The following VPS35L variants were observed in gnomAD, a reference collection of about 807,000 sequenced individuals.
VPS35L encodes VPS35 endosomal protein-sorting factor-like.
A neutral mutation model predicts 133.0 loss-of-function variants in VPS35L; 83 were observed. That is an observed-to-expected ratio of 0.62 (90% confidence interval 0.52 to 0.75). VPS35L has a LOEUF of 0.75. VPS35L is among the 30% of genes least tolerant of loss of function. The probability of loss-of-function intolerance (pLI) is 0.00; values close to 1 mark genes in which losing one functional copy is unlikely to be tolerated. For missense variants in VPS35L, 1,083 were observed against 1,206.8 expected, an observed-to-expected ratio of 0.90 and a Z score of 1.52; for synonymous variants, 423 against 449.9, an observed-to-expected ratio of 0.94 and a Z score of 0.76.
At chr16:19,562,877 C>G (rs186828788) in intron 1 of VPS35L, among the ~76,000 whole-genome samples, 49 of 152,028 alleles carry the variant, frequency 3.2e-4, no homozygotes, top group African/African-American at 1.1e-3. Flanking sequence ...ACCTCAGCCT[C>G]TAGAATAGCT....
chr16:19,604,336 A>C (rs1347504564), intron 9 of VPS35L, among the ~76,000 whole-genome samples: 3 of 152,174 alleles, frequency 2.0e-5, no homozygotes, highest in Non-Finnish European at 4.4e-5. Context: ...GGGCCAATTA[A>C]GGAAAAATTA....
At chr16:19,573,476 A>G in intron 4 of VPS35L, 1 of 381,818 alleles carries the variant, frequency 2.6e-6, no homozygotes, top group Non-Finnish European at 4.8e-6. Flanking sequence ...CACAGGCCAG[A>G]GAAAGAATTA....
At chr16:19,560,648 T>C (rs1338939010) in intron 1 of VPS35L, among the ~76,000 whole-genome samples, 2 of 151,914 alleles carry the variant, frequency 1.3e-5, no homozygotes. Flanking sequence ...ATACAAAAAT[T>C]AGCCAGGCGT....
At chr16:19,692,567 A>C (rs1045879417) in intron 29 of VPS35L, among the ~76,000 whole-genome samples, 1 of 137,722 alleles carries the variant, frequency 7.3e-6, no homozygotes, top group African/African-American at 3.5e-5. Context: ...TTTTCTTTTT[A>C]TTTTATTTTT....
intron 9 of VPS35L, among the ~76,000 whole-genome samples, chr16:19,603,387 G>C (rs560003987): frequency 2.6e-5 from 4 of 152,260 alleles, no homozygotes; most frequent in African/African-American, 9.6e-5. Flanking sequence ...AAAGACACCG[G>C]ATTTCAAAGA....
chr16:19,655,139 C>T (rs890059611), intron 26 of VPS35L, among the ~76,000 whole-genome samples: 4 of 152,164 alleles, frequency 2.6e-5, no homozygotes, highest in African/African-American at 9.7e-5. Flanking sequence ...TGGATAAAGA[C>T]AGCATCCTCG....
intron 9 of VPS35L, among the ~76,000 whole-genome samples, chr16:19,602,839 A>G (rs1276898871): frequency 6.6e-6 from 1 of 151,720 alleles, no homozygotes; most frequent in Non-Finnish European, 1.5e-5. Context: ...CCTGACCTCA[A>G]GTGATTCATC....
intron 27 of VPS35L, among the ~76,000 whole-genome samples, chr16:19,680,020 C>T (rs112081403): frequency 0.022 from 3,311 of 152,208 alleles, 103 homozygotes; most frequent in African/African-American, 0.061. Flanking sequence ...AAGTCAGAGA[C>T]GCTTGGTTTA....
chr16:19,572,191 G>T (rs769771965), intron 3 of VPS35L, among the ~76,000 whole-genome samples: 12 of 152,110 alleles, frequency 7.9e-5, no homozygotes, highest in Non-Finnish European at 1.5e-4. Flanking sequence ...AGGCTGAGGC[G>T]GGCGGATCAT....
intron 7 of VPS35L, among the ~76,000 whole-genome samples, chr16:19,588,462 G>A (rs1047530698): frequency 6.6e-6 from 1 of 152,096 alleles, no homozygotes; most frequent in African/African-American, 2.4e-5. Flanking sequence ...CAAAGTGCTG[G>A]GATTAAGGCA....
rs773718544 is a variant in VPS35L at position 19,616,984 on chromosome 16, A to G, written c.1224+176A>G. ...TGGCTCTGTGCTGAGTGCTTTTCTG[A>G]GATAGTCTCATTTTGACAGCTGTGG... On this transcript the variant is annotated intron_variant, in intron 14 of 30. Transcript: ENST00000417362. 9 of 919,090 alleles carry G rather than the reference A, an allele frequency of 9.8e-6. No individual in the cohort carries two copies. The African/African-American group carries it at 1.5e-4, about 15-fold the overall frequency. 56.9% of individuals were successfully genotyped at this position (919,090 alleles called of 1,614,324 possible).
intron 6 of VPS35L, chr16:19,579,865 A>G (rs1191671602): frequency 6.6e-6 from 1 of 151,822 alleles, no homozygotes; most frequent in Non-Finnish European, 1.5e-5. Flanking sequence ...CCAACACTTA[A>G]ACAGTGGTAA....
At chr16:19,567,202 A>C (rs1227632409) in intron 2 of VPS35L, among the ~76,000 whole-genome samples, 1 of 152,230 alleles carries the variant, frequency 6.6e-6, no homozygotes. Flanking sequence ...TTTAGGCTAA[A>C]CTTGATTTAA....
In VPS35L at chr16:19,591,825, G is replaced by T. The variant is rs779280590; in HGVS notation, c.675G>T (p.Gln225His). ...SKLLSDTSVI[Q>H]FYPSKFVLIT... ...TTCTTTCAGACACCAGTGTTATTCA[G>T]TTCTACCCAAGCAAATTTGTCCTTA... is the stretch of plus-strand genomic sequence containing the variant. The change falls in exon 8 of 31, where the codon CAG becomes CAT. Residue 225 changes from glutamine (Q) to histidine (H), a missense_variant. Gln to His is a conservative substitution (Grantham distance 24). Coordinates refer to ENST00000417362, the MANE Select transcript of VPS35L (RefSeq NM_020314.7). 1.2e-6 allele frequency: 2 copies of T among 1,612,864 alleles called. No homozygotes were observed. Among genetic ancestry groups the T allele is most frequent in the East Asian group, 2.2e-5 (1 of 44,830 alleles).
chr16:19,563,125 C>G (rs1971078815), intron 1 of VPS35L, among the ~76,000 whole-genome samples: 1 of 152,012 alleles, frequency 6.6e-6, no homozygotes, highest in African/African-American at 2.4e-5. Context: ...AATAAGACTA[C>G]TATTGCAGCA....
intron 5 of VPS35L, among the ~76,000 whole-genome samples, chr16:19,576,434 G>C (rs1277167397): frequency 6.6e-6 from 1 of 152,154 alleles, no homozygotes; most frequent in Non-Finnish European, 1.5e-5. Context: ...CAGAAGCTCT[G>C]GACCAGGGTG....
intron 17 of VPS35L, 49 bp downstream of exon 17, chr16:19,628,802 T>A (rs1477836630): frequency 6.8e-6 from 6 of 882,696 alleles, no homozygotes; most frequent in Non-Finnish European, 9.2e-6. Flanking sequence ...TATTTATTTA[T>A]TTATTTTGAG....
chr16:19,630,104 T>C (rs796605471), intron 18 of VPS35L, among the ~76,000 whole-genome samples: 2 of 152,160 alleles, frequency 1.3e-5, no homozygotes, highest in African/African-American at 4.8e-5. Context: ...CATGCTAAAG[T>C]GCATTGCGAC....
intron 1 of VPS35L, among the ~76,000 whole-genome samples, chr16:19,563,918 G>A (rs759395525): frequency 2.0e-5 from 3 of 152,160 alleles, no homozygotes; most frequent in Non-Finnish European, 2.9e-5. Context: ...CCTCACAGCT[G>A]CCCTGTGCTT....
Sources: allele counts gnomAD v4.1 joint callset (sites outside exome capture counted in the v4.1 genomes callset), GRCh38; gene constraint gnomAD v4.1.1; transcripts MANE v1.5; gene names NCBI Gene and HGNC (gene_info 2026-07-23, HGNC 2026-07-21).